The following ROBO2 variants were observed in gnomAD, a reference collection of about 807,000 sequenced individuals.
The protein encoded by ROBO2 is roundabout homolog 2.
In ROBO2, 53 loss-of-function variants were observed where a neutral mutation model predicts 160.8. That is an observed-to-expected ratio of 0.33 (90% CI 0.26 to 0.41). The LOEUF (loss-of-function observed/expected upper bound fraction) is 0.41. ROBO2 is among the 10% of genes least tolerant of loss of function. ROBO2 has a pLI of 1.00. For missense variants in ROBO2, 1,577 were observed against 1,722.4 expected (o/e 0.92, Z 1.49); for synonymous variants, 664 against 611.7 (o/e 1.09, Z -1.26).
At chr3:75,963,960 C>A (rs1949015742) in intron 2 of ROBO2, among the ~76,000 whole-genome samples, 2 of 151,824 alleles carry the variant, frequency 1.3e-5, no homozygotes, top group Admixed American at 1.3e-4. Context: ...TTTAAATCAT[C>A]CGAATATGGT....
At chr3:76,289,098 T>C (rs1443202929) in intron 2 of ROBO2, among the ~76,000 whole-genome samples, 1 of 152,198 alleles carries the variant, frequency 6.6e-6, no homozygotes, top group Non-Finnish European at 1.5e-5. Context: ...CTGGATTAAT[T>C]TACATTCCCA....
intron 2 of ROBO2, among the ~76,000 whole-genome samples, chr3:77,315,997 C>T (rs533081799): frequency 1.3e-5 from 2 of 151,970 alleles, no homozygotes; most frequent in South Asian, 2.1e-4. Context: ...TTAAAATGTA[C>T]CCATTAAACT....
chr3:76,948,908 A>ATATATATATATTTTTT (rs1209284372), intron 2 of ROBO2, among the ~76,000 whole-genome samples: 1 of 24,970 alleles, frequency 4.0e-5, no homozygotes, highest in African/African-American at 1.8e-4. Flanking sequence ...ATATATATAT[A>ATATATATATATTTTTT]TTTTTTTTTT....
chr3:76,168,526 A>G (rs2072919104), intron 2 of ROBO2, among the ~76,000 whole-genome samples: 1 of 152,070 alleles, frequency 6.6e-6, no homozygotes, highest in South Asian at 2.1e-4. Context: ...ATTCCAAATG[A>G]TAGAAAATGG....
chr3:76,089,714 A>C (rs1392647596), intron 2 of ROBO2, among the ~76,000 whole-genome samples: 1 of 152,192 alleles, frequency 6.6e-6, no homozygotes, highest in African/African-American at 2.4e-5. Context: ...ATCTAAGTCT[A>C]CAGCTAATAT....
intron 2 of ROBO2, among the ~76,000 whole-genome samples, chr3:76,986,507 A>G (rs949090653): frequency 6.6e-6 from 1 of 152,136 alleles, no homozygotes; most frequent in Non-Finnish European, 1.5e-5. Flanking sequence ...CTAATGTTCT[A>G]TTATAAATTA....
At chr3:76,019,888 A>G (rs767570492) in intron 2 of ROBO2, among the ~76,000 whole-genome samples, 1 of 151,730 alleles carries the variant, frequency 6.6e-6, no homozygotes, top group Admixed American at 6.6e-5. Flanking sequence ...GCCTCCCCAC[A>G]TGGTTAGGTT....
At chr3:77,051,560 A>G (rs2149695947) in intron 1 of ROBO2, among the ~76,000 whole-genome samples, 1 of 152,346 alleles carries the variant, frequency 6.6e-6, no homozygotes, top group East Asian at 1.9e-4. Flanking sequence ...GTGTCTCATC[A>G]TGGTAAATTT....
chr3:76,786,893 A>G (rs2063015418), intron 2 of ROBO2, among the ~76,000 whole-genome samples: 1 of 151,410 alleles, frequency 6.6e-6, no homozygotes, highest in African/African-American at 2.4e-5. Context: ...AAATTTCTAA[A>G]GAAAAGAGGT....
Position 76,075,795 on chromosome 3 carries a change from A to G in ROBO2, c.109+138193A>G, listed in dbSNP as rs1211391647. On this transcript the variant is annotated intron_variant, in intron 2 of 26. Coordinates refer to the ROBO2 transcript ENST00000487694. ...GTTAGTGCCAGGAAATTTGTATCCA[A>G]CATTATATTCAAGCCTGTCAATAAC... Among the ~76,000 whole-genome samples, 3 of 152,218 alleles carry G rather than the reference A, an allele frequency of 2.0e-5. No individual in the cohort carries two copies. In the East Asian group the frequency reaches 5.8e-4, roughly 29 times the overall value.
chr3:76,967,256 T>C (rs2059346389), intron 2 of ROBO2, among the ~76,000 whole-genome samples: 1 of 150,988 alleles, frequency 6.6e-6, no homozygotes, highest in Non-Finnish European at 1.5e-5. Flanking sequence ...AGACGGAATC[T>C]CACTCTGTCG....
rs2076974328 is a variant in ROBO2 at position 77,413,602 on chromosome 3, C to T, written c.389-63812C>T. 2.6e-5 allele frequency among the ~76,000 whole-genome samples: 4 copies of T among 152,250 alleles called. No homozygotes were observed. In the South Asian group the frequency reaches 8.3e-4, roughly 32 times the overall value. On this transcript the variant is annotated intron_variant, in intron 2 of 25. Transcript: ENST00000461745. ...TGACAAGGCCTGAAATACAGAGCTC[C>T]GTTACAGTAACGTAGGTGAGAGTTA...
chr3:77,049,069 C>T (rs1211770416), intron 1 of ROBO2, among the ~76,000 whole-genome samples: 1 of 152,170 alleles, frequency 6.6e-6, no homozygotes, highest in African/African-American at 2.4e-5. Context: ...TGGCTCACCC[C>T]TGCAATCCTA....
chr3:76,495,090 T>G (rs1451198736), intron 2 of ROBO2, among the ~76,000 whole-genome samples: 1 of 152,196 alleles, frequency 6.6e-6, no homozygotes, highest in South Asian at 2.1e-4. Flanking sequence ...GAAAGTACCC[T>G]CACGTGTGTT....
rs71104613 is a variant in ROBO2 at position 76,674,598 on chromosome 3, T to TCACACACACACACACACA, written c.110-423401_110-423384dup. The stretch of plus-strand genomic sequence containing the variant: ...TTCTAACCCTAGCCCACCTCCTAGT[T>TCACACACACACACACACA]CACACACACACACACACACACACAC... On this transcript the variant is annotated intron_variant, in intron 2 of 26. Coordinates refer to the ROBO2 transcript ENST00000487694. Among the ~76,000 whole-genome samples, 500 of 148,160 alleles carry TCACACACACACACACACA rather than the reference T, an allele frequency of 3.4e-3. 1 individual carries two copies. The highest frequency in any genetic ancestry group is 6.1e-3 in the African/African-American group (243 of 40,124).
At chr3:76,440,745 A>G (rs907354589) in intron 2 of ROBO2, among the ~76,000 whole-genome samples, 1 of 152,108 alleles carries the variant, frequency 6.6e-6, no homozygotes, top group African/African-American at 2.4e-5. Flanking sequence ...ACAAGGGCCA[A>G]GTGTGCCTCC....
intron 2 of ROBO2, among the ~76,000 whole-genome samples, chr3:76,788,551 A>C (rs2108693667): frequency 6.6e-6 from 1 of 151,696 alleles, no homozygotes; most frequent in Non-Finnish European, 1.5e-5. Context: ...ATATTACCAA[A>C]TTTGTAGGAC....
chr3:76,936,181 A>T (rs2077688972), intron 2 of ROBO2, among the ~76,000 whole-genome samples: 1 of 151,998 alleles, frequency 6.6e-6, no homozygotes, highest in African/African-American at 2.4e-5. Flanking sequence ...GACATGAAAA[A>T]CATTAAGTAG....
chr3:76,247,619 G>A lies in ROBO2; in HGVS notation c.109+310017G>A, dbSNP rs192751150. ...TTTGTTTTGAAACCTGAGGACCCAC[G>A]CTGCTTCATTTGCTGACTGCTCTCT... On this transcript the variant is annotated intron_variant, in intron 2 of 26. Coordinates refer to the ROBO2 transcript ENST00000487694. Among the ~76,000 whole-genome samples the A allele has an allele frequency of 1.2e-4, 18 of 152,050 alleles. No homozygotes were observed. The East Asian group carries it at 2.7e-3, about 23-fold the overall frequency.
Sources: allele counts gnomAD v4.1 joint callset (sites outside exome capture counted in the v4.1 genomes callset), GRCh38; gene constraint gnomAD v4.1.1; transcripts MANE v1.5; gene names NCBI Gene and HGNC (gene_info 2026-07-23, HGNC 2026-07-21).